ATRN: variants seen among roughly 807,000 people sequenced by gnomAD.
The protein encoded by ATRN is attractin-2.
Under a neutral mutation model 178.7 loss-of-function variants are expected in ATRN, and 54 were observed. The observed-to-expected ratio is 0.30, with a 90% CI of 0.24 to 0.38. ATRN has a LOEUF of 0.38. Among genes scored for constraint, ATRN ranks in the 10% least tolerant of loss-of-function variants. The pLI, the probability that ATRN is intolerant of heterozygous loss-of-function variation, is 1.00. For missense variants in ATRN, 1,443 were observed against 1,815.1 expected (o/e 0.79, Z 3.73); for synonymous variants, 636 against 663.0 (o/e 0.96, Z 0.63).
chr20:3,639,043 T>TC (rs2087046905), intron 27 of ATRN, 108 bp downstream of exon 27: 1 of 739,396 alleles, frequency 1.4e-6, no homozygotes, highest in East Asian at 2.8e-5. Flanking sequence ...CTCCTTTTTT[T>TC]CCTCTCTTTC....
intron 7 of ATRN, among the ~76,000 whole-genome samples, chr20:3,560,278 A>G (rs1298189029): frequency 1.3e-5 from 2 of 152,194 alleles, no homozygotes; most frequent in Admixed American, 6.5e-5. Flanking sequence ...TTTACTTAAC[A>G]TAATGACCTC....
At chr20:3,589,462 T>C (rs1435242403) in intron 18 of ATRN, among the ~76,000 whole-genome samples, 1 of 152,140 alleles carries the variant, frequency 6.6e-6, no homozygotes, top group East Asian at 1.9e-4. Flanking sequence ...TGCTCTCTTA[T>C]ATTGTGGATG....
At position 3,597,843 on chromosome 20, in the gene ATRN, C is replaced by G. The variant is rs2086552281; in HGVS notation, c.3470-63C>G. On this transcript the variant is annotated intron_variant, in intron 21 of 28. Coordinates refer to ENST00000262919, the MANE Select transcript of ATRN (RefSeq NM_139321.3). ...TTTATAAGAAAAGCAGCCTGTATCT[C>G]TAAAGACCTGTTCTATTTTGTGTGT... The G allele has an allele frequency of 6.7e-6, 7 of 1,050,870 alleles. No individual in the cohort carries two copies. The South Asian group carries it at 9.8e-5, about 15-fold the overall frequency. 65.1% of individuals were successfully genotyped at this position (1,050,870 alleles called of 1,614,324 possible).
At chr20:3,606,461 T>C (rs997508739) in intron 24 of ATRN, among the ~76,000 whole-genome samples, 1 of 106,556 alleles carries the variant, frequency 9.4e-6, no homozygotes, top group Non-Finnish European at 2.5e-5. Flanking sequence ...GTGGGACTTG[T>C]GGTGCCACAT....
chr20:3,482,047 G>A (rs1245150830), intron 1 of ATRN, among the ~76,000 whole-genome samples: 2 of 151,326 alleles, frequency 1.3e-5, no homozygotes, highest in Non-Finnish European at 2.9e-5. Flanking sequence ...TAATCTTATG[G>A]ACTCCCGTAG....
chr20:3,523,525 T>C (rs2085324426), intron 1 of ATRN, among the ~76,000 whole-genome samples: 1 of 152,108 alleles, frequency 6.6e-6, no homozygotes, highest in Non-Finnish European at 1.5e-5. Flanking sequence ...TTCCCCAACC[T>C]AGCAAGACAG....
chr20:3,529,621 G>GA (rs2085423100), intron 1 of ATRN, among the ~76,000 whole-genome samples: 1 of 152,194 alleles, frequency 6.6e-6, no homozygotes, highest in Non-Finnish European at 1.5e-5. Flanking sequence ...GGAAAGATAA[G>GA]ATCAATGTTT....
intron 1 of ATRN, among the ~76,000 whole-genome samples, chr20:3,491,464 A>G (rs1259124498): frequency 1.3e-5 from 2 of 152,114 alleles, no homozygotes; most frequent in African/African-American, 4.8e-5. Context: ...CTTTTTTGCC[A>G]TGCTTGACTG....
chr20:3,554,305 TTTTATTTA>T lies in ATRN; in HGVS notation c.1112+5007_1112+5014del, dbSNP rs10626066. ...TGTTTCTGGAACTTAGATTACAGAT[TTTTATTTA>T]TTTATTTATTTATTTATTTATTTAT... On this transcript the variant is annotated intron_variant, in intron 6 of 28. Transcript: ENST00000262919. 2.1e-3 allele frequency among the ~76,000 whole-genome samples: 296 copies of T among 139,228 alleles called. 1 individual carries two copies. Among genetic ancestry groups the T allele is most frequent in the South Asian group, 5.5e-3 (23 of 4,200 alleles). The allele number at this position is 139,228 out of a possible 152,430, so 91.3% of individuals were successfully genotyped here.
chr20:3,537,035 A>T (rs2085543216), intron 2 of ATRN, among the ~76,000 whole-genome samples: 1 of 152,174 alleles, frequency 6.6e-6, no homozygotes. Flanking sequence ...TGGTAACATG[A>T]TATATAGGTC....
intron 21 of ATRN, 116 bp downstream of exon 21, chr20:3,596,545 G>A (rs1048543727): frequency 6.5e-6 from 6 of 927,842 alleles, no homozygotes; most frequent in Non-Finnish European, 1.0e-5. Context: ...CCAATGAAGT[G>A]TTCCCAGACT....
At position 3,594,329 on chromosome 20, in the gene ATRN, A is replaced by G. The variant is rs574326895; in HGVS notation, c.3323-150A>G. ...ATACATTATTATCATTAGCTGAAAA[A>G]TCATGAATCTTACCCATTGAATGCT... On this transcript the variant is annotated intron_variant, in intron 19 of 28. Transcript: ENST00000262919. The G allele has an allele frequency of 6.0e-5, 32 of 531,176 alleles. No individual in the cohort carries two copies. In the South Asian group the frequency reaches 9.5e-4, roughly 16 times the overall value. 32.9% of individuals were successfully genotyped at this position (531,176 alleles called of 1,614,324 possible). A position where few individuals can be genotyped will look rare whatever the true frequency, so the allele number is the denominator to read the frequency against.
intron 1 of ATRN, among the ~76,000 whole-genome samples, chr20:3,493,155 TA>T (rs2084830823): frequency 3.4e-5 from 5 of 147,132 alleles, no homozygotes; most frequent in South Asian, 4.2e-4. Context: ...TGTGTATAAT[TA>T]AAAAAAATTT....
chr20:3,512,107 A>ATTTTTTTTT lies in ATRN; in HGVS notation c.411-23142_411-23134dup, dbSNP rs755934394. Reference sequence around the variant, plus strand: ...CTTTTATATATATATATATATATATATTTTTTTTTTTTATTATACTTTAAG... The same window carrying ATTTTTTTTT: ...CTTTTATATATATATATATATATATATTTTTTTTTTTTTTTTTTTTTATTATACTTTAAG... On this transcript the variant is annotated intron_variant, in intron 1 of 28. Coordinates refer to ENST00000262919, the MANE Select transcript of ATRN (RefSeq NM_139321.3). Among the ~76,000 whole-genome samples, 10 of 106,400 alleles carry ATTTTTTTTT rather than the reference A, an allele frequency of 9.4e-5. No homozygotes were observed. In the South Asian group the frequency reaches 1.2e-3, roughly 13 times the overall value. The allele number at this position is 106,400 out of a possible 152,430, so 69.8% of individuals were successfully genotyped here.
At chr20:3,474,700 C>G (rs1181358454) in intron 1 of ATRN, among the ~76,000 whole-genome samples, 1 of 150,294 alleles carries the variant, frequency 6.7e-6, no homozygotes, top group Non-Finnish European at 1.5e-5. Context: ...GAGCGAGAGT[C>G]CATCTCAAAA....
At chr20:3,576,561 G>T (rs1009434885) in intron 13 of ATRN, among the ~76,000 whole-genome samples, 3 of 152,096 alleles carry the variant, frequency 2.0e-5, no homozygotes, top group Admixed American at 6.5e-5. Flanking sequence ...CAGATGAGCA[G>T]GTTGAGGCAT....
At position 3,602,329 on chromosome 20, in the gene ATRN, C is replaced by CA. The variant is rs575024292; in HGVS notation, c.3643+1317dup. Reference sequence around the variant, plus strand: ...TGGGTGACAGAGTGAAACTCCATCTCAAAAAAAAAAAATAAAAAAACACCT... The same window carrying CA: ...TGGGTGACAGAGTGAAACTCCATCTCAAAAAAAAAAAAATAAAAAAACACCT... On this transcript the variant is annotated intron_variant, in intron 23 of 28. Coordinates refer to ENST00000262919, the MANE Select transcript of ATRN (RefSeq NM_139321.3). Among the ~76,000 whole-genome samples the CA allele has an allele frequency of 4.4e-3, 558 of 128,264 alleles. 1 individual carries two copies. Among genetic ancestry groups the CA allele is most frequent in the South Asian group, 0.012 (49 of 4,022 alleles). The allele number at this position is 128,264 out of a possible 152,430, so 84.1% of individuals were successfully genotyped here.
chr20:3,597,884 AT>A (rs768653607), intron 21 of ATRN, 21 bp from the exon 22 acceptor site: 11 of 1,429,124 alleles, frequency 7.7e-6, no homozygotes, highest in Non-Finnish European at 1.1e-5. Flanking sequence ...GTTTTTAAAT[AT>A]GCATTTCTTT....
At chr20:3,482,846 G>A (rs139917033) in intron 1 of ATRN, among the ~76,000 whole-genome samples, 69 of 152,238 alleles carry the variant, frequency 4.5e-4, no homozygotes, top group African/African-American at 1.5e-3. Context: ...TTTAGTGCTG[G>A]TTCAGTCTCT....
Sources: gnomAD v4.1 joint callset for allele counts (sites outside exome capture counted in the v4.1 genomes callset) on GRCh38, gnomAD v4.1.1 for gene constraint, MANE v1.5 for transcripts, NCBI Gene and HGNC (gene_info 2026-07-23, HGNC 2026-07-21) for gene names.